The following OSBPL10 variants were observed in gnomAD, a reference collection of about 807,000 sequenced individuals.
OSBPL10 encodes the protein oxysterol-binding protein-related protein 10.
Under a neutral mutation model 81.7 loss-of-function variants are expected in OSBPL10, and 49 were observed. That is an observed-to-expected ratio of 0.60 (90% CI 0.48 to 0.76). The LOEUF is 0.76. Among genes scored for constraint, OSBPL10 ranks in the 30% least tolerant of loss-of-function variants. The pLI is 0.00. For missense variants in OSBPL10, 923 were observed against 987.8 expected (o/e 0.93, Z 0.88); for synonymous variants, 419 against 383.6 (o/e 1.09, Z -1.08).
chr3:32,011,912 G>T (rs1699263640), intron 2 of OSBPL10, among the ~76,000 whole-genome samples: 1 of 152,162 alleles, frequency 6.6e-6, no homozygotes, highest in Non-Finnish European at 1.5e-5. Flanking sequence ...AAAAAGAAAT[G>T]AACAAAGCCT....
intron 3 of OSBPL10, among the ~76,000 whole-genome samples, chr3:31,830,797 TTAA>T (rs1700221684): frequency 6.6e-6 from 1 of 152,246 alleles, no homozygotes; most frequent in East Asian, 1.9e-4. Flanking sequence ...TATTAAGTGC[TTAA>T]TAATGTCATC....
chr3:32,032,408 T>TA (rs1033223686), intron 2 of OSBPL10, among the ~76,000 whole-genome samples: 1 of 152,028 alleles, frequency 6.6e-6, no homozygotes, highest in African/African-American at 2.4e-5. Flanking sequence ...AGACTCTGTC[T>TA]AAAAATAATT....
chr3:31,953,529 T>C (rs1369946761), intron 1 of OSBPL10, among the ~76,000 whole-genome samples: 1 of 151,990 alleles, frequency 6.6e-6, no homozygotes, highest in Non-Finnish European at 1.5e-5. Context: ...CACCTCAGCC[T>C]CCTAAGTAAC....
At chr3:31,740,466 C>T (rs1405480980) in intron 5 of OSBPL10, among the ~76,000 whole-genome samples, 1 of 151,990 alleles carries the variant, frequency 6.6e-6, no homozygotes, top group African/African-American at 2.4e-5. Flanking sequence ...ATATTAATAA[C>T]AATAGCCTAC....
intron 7 of OSBPL10, among the ~76,000 whole-genome samples, chr3:31,688,402 C>CT (rs113517429): frequency 5.9e-5 from 9 of 151,884 alleles, no homozygotes; most frequent in East Asian, 1.9e-4. Flanking sequence ...CTCTGTGAAG[C>CT]TTTTTTTGAC....
At chr3:31,919,889 G>A (rs968966190) in intron 1 of OSBPL10, among the ~76,000 whole-genome samples, 4 of 152,200 alleles carry the variant, frequency 2.6e-5, no homozygotes, top group Admixed American at 2.6e-4. Flanking sequence ...GGCACTAATA[G>A]TGCAGACTGT....
At chr3:32,074,693 C>A (rs1176904878) in intron 1 of OSBPL10, among the ~76,000 whole-genome samples, 1 of 152,162 alleles carries the variant, frequency 6.6e-6, no homozygotes, top group Non-Finnish European at 1.5e-5. Flanking sequence ...TGCACTTTCT[C>A]ATATACCATG....
intron 3 of OSBPL10, among the ~76,000 whole-genome samples, chr3:31,845,635 C>CCCAAGAGGAAA (rs1700610370): frequency 6.6e-6 from 1 of 152,154 alleles, no homozygotes; most frequent in African/African-American, 2.4e-5. Flanking sequence ...CTGTGTCAGA[C>CCCAAGAGGAAA]TTCACCAAGA....
intron 4 of OSBPL10, among the ~76,000 whole-genome samples, chr3:31,823,087 T>G (rs1700019753): frequency 6.6e-6 from 1 of 151,838 alleles, no homozygotes; most frequent in Admixed American, 6.6e-5. Flanking sequence ...CTATCATCAC[T>G]TTTCCCCATG....
chr3:31,799,574 G>A (rs1271808857), intron 4 of OSBPL10, among the ~76,000 whole-genome samples: 58 of 152,018 alleles, frequency 3.8e-4, no homozygotes, highest in Non-Finnish European at 4.4e-5. Flanking sequence ...TGGAGGTGTT[G>A]GTGAAGATGA....
chr3:31,832,561 G>A (rs1183259554), intron 3 of OSBPL10, among the ~76,000 whole-genome samples: 3 of 152,152 alleles, frequency 2.0e-5, no homozygotes, highest in Admixed American at 6.5e-5. Context: ...AAATGTATGA[G>A]ACAGTTTTTC....
chr3:31,873,449 G>T (rs745887890), intron 3 of OSBPL10, among the ~76,000 whole-genome samples: 1 of 152,158 alleles, frequency 6.6e-6, no homozygotes, highest in Non-Finnish European at 1.5e-5. Context: ...GAAACCACAG[G>T]CTGGGTCATC....
chr3:32,059,416 A>T (rs1338368232), intron 1 of OSBPL10, among the ~76,000 whole-genome samples: 2 of 151,670 alleles, frequency 1.3e-5, no homozygotes, highest in African/African-American at 4.8e-5. Flanking sequence ...GTGAAACCCC[A>T]CCTCTACTAA....
chr3:31,895,083 C>A (rs1469645106), intron 1 of OSBPL10, among the ~76,000 whole-genome samples: 3 of 151,080 alleles, frequency 2.0e-5, no homozygotes, highest in Non-Finnish European at 4.4e-5. Context: ...TACCTCCAAA[C>A]TGCTTTTATG....
At position 31,733,407 on chromosome 3, in the gene OSBPL10, G is replaced by A. The variant is rs375435787; in HGVS notation, c.945C>T (p.Asn315=). The A allele has an allele frequency of 2.4e-5, 38 of 1,614,024 alleles. No homozygotes were observed. In the African/African-American group the frequency reaches 2.5e-4, roughly 11 times the overall value. ...QPSQKPGASE[N]ILGWHGSKSH... ...ACTTGGACCCGTGCCATCCCAGGAT[G>A]TTTTCTGAAATAAAGACCTAGAATG... Residue 315 remains asparagine, a synonymous_variant, in exon 6 of 12, where the codon AAC becomes AAT. Coordinates refer to ENST00000396556, the MANE Select transcript of OSBPL10 (RefSeq NM_017784.5).
intron 2 of OSBPL10, among the ~76,000 whole-genome samples, chr3:32,026,748 G>A (rs1224310934): frequency 6.6e-6 from 1 of 152,178 alleles, no homozygotes; most frequent in East Asian, 1.9e-4. Flanking sequence ...CATTTTGCAG[G>A]TGGTGAACAG....
intron 1 of OSBPL10, among the ~76,000 whole-genome samples, chr3:32,068,967 C>T (rs1263140993): frequency 6.6e-6 from 1 of 152,064 alleles, no homozygotes; most frequent in Non-Finnish European, 1.5e-5. Context: ...TACCCTATAA[C>T]CCTTCTATTA....
At chr3:31,878,815 ATG>A (rs59233088) in intron 2 of OSBPL10, among the ~76,000 whole-genome samples, 20,003 of 136,220 alleles carry the variant, frequency 0.15, 1,596 homozygotes, top group African/African-American at 0.25. Flanking sequence ...CTGCGTGTCC[ATG>A]TGTGTGTGTG....
At chr3:31,989,388 G>A (rs1446811825) in intron 2 of OSBPL10, 4 of 1,614,048 alleles carry the variant, frequency 2.5e-6, no homozygotes, top group Non-Finnish European at 2.5e-6. Flanking sequence ...TTTGCTTCCA[G>A]AAAATTGGGA....
Sources: allele counts gnomAD v4.1 joint callset (sites outside exome capture counted in the v4.1 genomes callset), GRCh38; gene constraint gnomAD v4.1.1; transcripts MANE v1.5; gene names NCBI Gene and HGNC (gene_info 2026-07-23, HGNC 2026-07-21).